The following AGL variants were observed in gnomAD, a reference collection of about 807,000 sequenced individuals.
AGL encodes the protein amylo-alpha-1,6-glucosidase and 4-alpha-glucanotransferase, also known as glycogen debranching enzyme.
In AGL, 128 loss-of-function variants were observed where a neutral mutation model predicts 199.3. The observed-to-expected ratio is 0.64, with a 90% CI of 0.56 to 0.74. AGL has a LOEUF of 0.74. AGL is among the 30% of genes least tolerant of loss of function. AGL has a pLI of 0.00. For missense variants in AGL, 1,809 were observed against 1,820.8 expected, an observed-to-expected ratio of 0.99 and a Z score of 0.12; for synonymous variants, 584 against 594.7, an observed-to-expected ratio of 0.98 and a Z score of 0.26.
At chr1:99,852,838 A>G (rs1008298434) in intron 2 of AGL, 28 of 716,672 alleles carry the variant, frequency 3.9e-5, no homozygotes, top group Non-Finnish European at 6.4e-5. Flanking sequence ...ATGTATTCCC[A>G]CCCTGGACCT....
At chr1:99,851,956 A>G (rs1648983795) in intron 2 of AGL, among the ~76,000 whole-genome samples, 1 of 152,098 alleles carries the variant, frequency 6.6e-6, no homozygotes, top group Non-Finnish European at 1.5e-5. Context: ...CCTTTTTCCA[A>G]CTTTGGCATT....
At chr1:99,883,817 A>C (rs995165369) in intron 17 of AGL, among the ~76,000 whole-genome samples, 1 of 152,148 alleles carries the variant, frequency 6.6e-6, no homozygotes, top group Non-Finnish European at 1.5e-5. Context: ...CAAGTTTTAA[A>C]AAAATGTAAG....
chr1:99,896,969 A>G (rs1653376657), intron 25 of AGL, among the ~76,000 whole-genome samples: 1 of 152,086 alleles, frequency 6.6e-6, no homozygotes, highest in African/African-American at 2.4e-5. Context: ...GGCGCCCGCC[A>G]CCACGCCCAG....
rs1653770915 is a variant in AGL, at chr1:99,900,846, G to T, written c.3573G>T (p.Leu1191Phe). 1 of 1,608,884 alleles carries T rather than the reference G, an allele frequency of 6.2e-7. No homozygotes were observed. ...RMYPTDDSAPLPAGTLDQPLF... is the reference protein window; with the variant it reads ...RMYPTDDSAPFPAGTLDQPLF... The stretch of plus-strand genomic sequence containing the variant: ...ATCCTACAGATGATTCTGCTCCTTT[G>T]CCTGCTGGCACACTGGTAAAGATAT... Residue 1191 changes from leucine to phenylalanine, a missense_variant, in exon 26 of 34, where the codon TTG becomes TTT. Coordinates refer to ENST00000361915, the MANE Select transcript of AGL (RefSeq NM_000642.3).
At chr1:99,916,566 G>A (rs919413038) in intron 32 of AGL, 32 bp from the exon 33 acceptor site, 2 of 1,608,558 alleles carry the variant, frequency 1.2e-6, no homozygotes, top group Non-Finnish European at 1.7e-6. Flanking sequence ...GGTATTTATG[G>A]TTTTTTTTGT....
rs1655053131 is a variant in AGL at position 99,915,552 on chromosome 1, A to AT, written c.4259+66_4259+67insT. The AT allele has an allele frequency of 3.1e-6, 4 of 1,282,436 alleles. No individual in the cohort carries two copies. In the East Asian group the frequency reaches 7.2e-5, roughly 23 times the overall value. 79.4% of individuals were successfully genotyped at this position (1,282,436 alleles called of 1,614,324 possible). A position where few individuals can be genotyped will look rare whatever the true frequency, so the allele number is the denominator to read the frequency against. On this transcript the variant is annotated intron_variant, in intron 31 of 33. Transcript: ENST00000361915. ...ATCCAAATACATTGACATCAACCAT[A>AT]ATTTTTTTTTTTTTGCCAGGGCAAC...
At position 99,923,345 on chromosome 1, in the gene AGL, CTAACTTTGATAT is replaced by C. The variant is rs1655640863; in HGVS notation, c.*1696_*1707del. ...GTTTATGTAGTTTTGTTGCTGTACC[CTAACTTTGATAT>C]TCAGGGAGGTAGGAAAGGTAACAGA... On this transcript the variant is annotated 3_prime_UTR_variant, in exon 34 of 34. Coordinates refer to ENST00000361915, the MANE Select transcript of AGL (RefSeq NM_000642.3). 1 of 152,072 alleles carries C rather than the reference CTAACTTTGATAT, an allele frequency of 6.6e-6. No homozygotes were observed. The highest frequency in any genetic ancestry group is 1.5e-5 in the Non-Finnish European group (1 of 67,994). 9.4% of individuals were successfully genotyped at this position (152,072 alleles called of 1,614,324 possible).
intron 2 of AGL, among the ~76,000 whole-genome samples, chr1:99,859,728 G>A (rs1035879724): frequency 7.2e-5 from 11 of 152,094 alleles, no homozygotes; most frequent in African/African-American, 2.4e-4. Context: ...GTTTAGTAGA[G>A]ATGGGGTTTC....
At position 99,888,040 on chromosome 1, in the gene AGL, A is replaced by G; in HGVS notation, c.2744A>G (p.Glu915Gly). 6.2e-7 allele frequency: 1 copy of G among 1,613,516 alleles called. No individual in the cohort carries two copies. Among genetic ancestry groups the G allele is most frequent in the Non-Finnish European group, 8.5e-7 (1 of 1,179,636 alleles). ...NQILYRCESEEKEDGGGCYDI... is the reference protein window; with the variant it reads ...NQILYRCESEGKEDGGGCYDI... The stretch of plus-strand genomic sequence containing the variant: ...ATCCTTTACCGATGTGAATCAGAAG[A>G]AAAGGAAGATGGTGGAGGGTGCTAT... Residue 915 changes from glutamate to glycine, a missense_variant, in exon 21 of 34, where the codon GAA (glutamate) becomes GGA (glycine). Coordinates refer to ENST00000361915, the MANE Select transcript of AGL (RefSeq NM_000642.3).
Position 99,875,020 on chromosome 1 carries a change from G to T in AGL, c.1083-134G>T, listed in dbSNP as rs1352043902. ...TGTGTATATAAACATTTTTACAATT[G>T]GAAAACATCATCAGCCATAATTGAA... On this transcript the variant is annotated intron_variant, in intron 8 of 33. Coordinates refer to ENST00000361915, the MANE Select transcript of AGL (RefSeq NM_000642.3). 4.8e-6 allele frequency: 5 copies of T among 1,033,488 alleles called. No individual in the cohort carries two copies. The African/African-American group carries it at 6.5e-5, about 13-fold the overall frequency. The allele number at this position is 1,033,488 out of a possible 1,614,324, so 64.0% of individuals were successfully genotyped here.
rs760188084 is a variant in AGL, at chr1:99,916,722, A to G, written c.4472A>G (p.His1491Arg). 24 of 1,613,148 alleles carry G rather than the reference A, an allele frequency of 1.5e-5. No homozygotes were observed. The highest frequency in any genetic ancestry group is 2.0e-5 in the Non-Finnish European group (23 of 1,179,462). ...AATGTTCTTTCCCGACATTATGTTC[A>G]TCTTGAGAGGTAAGTCATCAGGAGC... ...VKNVLSRHYV[H>R]LERSPWKGLP... Residue 1491 changes from histidine (H) to arginine (R), a missense_variant, in exon 33 of 34, where the codon CAT (histidine) becomes CGT (arginine). Coordinates refer to ENST00000361915, the MANE Select transcript of AGL (RefSeq NM_000642.3).
chr1:99,882,902 A>G (rs1652164444), intron 17 of AGL, among the ~76,000 whole-genome samples: 1 of 152,126 alleles, frequency 6.6e-6, no homozygotes, highest in African/African-American at 2.4e-5. Context: ...AATACCTAAA[A>G]GTTTCTTTAA....
rs978080374 is a variant in AGL at position 99,884,132 on chromosome 1, A to T, written c.2321A>T (p.Glu774Val). 1.2e-6 allele frequency: 2 copies of T among 1,611,372 alleles called. No individual in the cohort carries two copies. The highest frequency in any genetic ancestry group is 2.2e-5 in the South Asian group (2 of 90,918). ...TATGTATTCCTAGGCAAAATTGAAG[A>T]AGTAGTTCTTGAAGCTAGAACTATT... is the stretch of plus-strand genomic sequence containing the variant. Reference protein sequence around the residue: ...PQMCIPGKIEEVVLEARTIER... With the variant: ...PQMCIPGKIEVVVLEARTIER... Residue 774 changes from glutamate to valine, a missense_variant, in exon 18 of 34, where the codon GAA becomes GTA. Transcript: ENST00000361915.
chr1:99,902,215 T>C (rs1195675448), intron 26 of AGL, among the ~76,000 whole-genome samples: 1 of 152,172 alleles, frequency 6.6e-6, no homozygotes, highest in African/African-American at 2.4e-5. Flanking sequence ...GAAAATGACT[T>C]ATGAATTCTT....
Position 99,862,256 on chromosome 1 carries a change from G to T in AGL, c.294-1G>T, listed in dbSNP as rs757967016. The T allele has an allele frequency of 6.2e-7, 1 of 1,613,604 alleles. No homozygotes were observed. The highest frequency in any genetic ancestry group is 1.3e-5 in the African/African-American group (1 of 74,826). On this transcript the variant is annotated splice_acceptor_variant, in intron 3 of 33. Coordinates refer to ENST00000361915, the MANE Select transcript of AGL (RefSeq NM_000642.3). LOFTEE classifies it high-confidence loss of function. ...AGTTTTTGTTTTGTTTTTTCCCTTA[G>T]AAATGAGAAAAGTGGTGGAGGTTAC...
At chr1:99,898,614 C>T (rs1040252872) in intron 25 of AGL, among the ~76,000 whole-genome samples, 3 of 152,056 alleles carry the variant, frequency 2.0e-5, no homozygotes, top group African/African-American at 7.2e-5. Flanking sequence ...TGCTTGTAGT[C>T]GTAGACGCAT....
Position 99,877,228 on chromosome 1 carries a change from C to G in AGL, c.1424-413C>G, listed in dbSNP as rs3766597. On this transcript the variant is annotated intron_variant, in intron 11 of 33. Transcript: ENST00000361915. ...AGTATCTCTGCCCTCTTTTTTCTAG[C>G]CATTCTAAACGAAATCAAGCCATTC... Among the ~76,000 whole-genome samples, 652 of 151,902 alleles carry G rather than the reference C, an allele frequency of 4.3e-3. 2 individuals carry two copies. The highest frequency in any genetic ancestry group is 0.015 in the African/African-American group (616 of 41,412).
intron 2 of AGL, among the ~76,000 whole-genome samples, chr1:99,855,078 G>T (rs1423582648): frequency 6.6e-6 from 1 of 151,552 alleles, no homozygotes; most frequent in African/African-American, 2.4e-5. Context: ...GCGGGTGCCT[G>T]TAATCCCAGC....
At chr1:99,868,806 A>G (rs1319393387) in intron 5 of AGL, among the ~76,000 whole-genome samples, 2 of 148,970 alleles carry the variant, frequency 1.3e-5, no homozygotes, top group African/African-American at 2.5e-5. Context: ...GATGAATGAG[A>G]GCAGCATTGG....
Sources: allele counts gnomAD v4.1 joint callset (sites outside exome capture counted in the v4.1 genomes callset), GRCh38; gene constraint gnomAD v4.1.1; transcripts MANE v1.5; gene names NCBI Gene and HGNC (gene_info 2026-07-23, HGNC 2026-07-21).